The following AFDN variants were observed in gnomAD, a reference collection of about 807,000 sequenced individuals.
The protein encoded by AFDN is afadin.
AFDN carries 68 observed loss-of-function variants against 216.6 expected under a neutral mutation model. The ratio of observed to expected loss-of-function variants is 0.31; its 90% CI spans 0.26 to 0.38. The LOEUF is 0.38. Among genes scored for constraint, AFDN ranks in the 10% least tolerant of loss-of-function variants. The pLI is 1.00. For missense variants in AFDN, 2,136 were observed against 2,342.0 expected (o/e 0.91, Z 1.82); for synonymous variants, 868 against 853.7 (o/e 1.02, Z -0.29).
chr6:167,907,597 T>C (rs1025743890), intron 13 of AFDN, among the ~76,000 whole-genome samples: 1 of 152,224 alleles, frequency 6.6e-6, no homozygotes, highest in Non-Finnish European at 1.5e-5. Context: ...GATTTTAATA[T>C]TTGATGATTT....
At chr6:167,941,877 T>G (rs1311649982) in intron 23 of AFDN, among the ~76,000 whole-genome samples, 1 of 152,198 alleles carries the variant, frequency 6.6e-6, no homozygotes, top group African/African-American at 2.4e-5. Context: ...GGAGAATACT[T>G]GATTTTGCTT....
chr6:167,961,189 T>G (rs545429684), intron 30 of AFDN, among the ~76,000 whole-genome samples: 1 of 152,352 alleles, frequency 6.6e-6, no homozygotes, highest in Non-Finnish European at 1.5e-5. Context: ...GTAGGAATTT[T>G]ATGTAAGGGA....
At chr6:167,892,375 G>A (rs1228391922) in intron 8 of AFDN, among the ~76,000 whole-genome samples, 2 of 152,124 alleles carry the variant, frequency 1.3e-5, no homozygotes, top group South Asian at 4.1e-4. Context: ...GTAATGAATG[G>A]CAACTATGAA....
intron 11 of AFDN, among the ~76,000 whole-genome samples, chr6:167,900,034 A>C (rs1788748457): frequency 1.3e-5 from 2 of 152,146 alleles, no homozygotes. Flanking sequence ...TTCCTACCAT[A>C]TTTCTGGCCA....
At chr6:167,903,843 A>C (rs549291101) in intron 12 of AFDN, among the ~76,000 whole-genome samples, 1 of 152,302 alleles carries the variant, frequency 6.6e-6, no homozygotes, top group South Asian at 2.1e-4. Context: ...AGGGGGACTG[A>C]TGACCTCCCA....
chr6:167,910,626 G>T (rs576092490), intron 13 of AFDN, among the ~76,000 whole-genome samples: 19 of 152,214 alleles, frequency 1.2e-4, no homozygotes, highest in Non-Finnish European at 2.5e-4. Context: ...GAGACTTGCC[G>T]TGGTCAGCTT....
intron 23 of AFDN, among the ~76,000 whole-genome samples, chr6:167,937,059 A>C (rs954534208): frequency 1.3e-5 from 2 of 152,154 alleles, no homozygotes; most frequent in Non-Finnish European, 2.9e-5. Context: ...ACCAGAGGTG[A>C]TAGGAGGGAA....
rs1256850321 is a variant in AFDN at position 167,957,255 on chromosome 6, CTG to C, written c.4833+5074_4833+5075del. On this transcript the variant is annotated intron_variant, in intron 30 of 33. Coordinates refer to ENST00000683244, the MANE Select transcript of AFDN (RefSeq NM_001386888.1). The stretch of plus-strand genomic sequence containing the variant: ...AGGGGCCCACTGGCCTCACTGTGTC[CTG>C]TGTGTTTTTCTGTGGACATGCTATA... Among the ~76,000 whole-genome samples the C allele has an allele frequency of 3.9e-5, 6 of 152,268 alleles. No individual in the cohort carries two copies. In the East Asian group the frequency reaches 1.2e-3, roughly 30 times the overall value.
chr6:167,920,912 C>G (rs1439012059), intron 21 of AFDN, among the ~76,000 whole-genome samples: 1 of 152,110 alleles, frequency 6.6e-6, no homozygotes, highest in Non-Finnish European at 1.5e-5. Context: ...ACATGTCTTC[C>G]CCAGGAGTGA....
intron 6 of AFDN, among the ~76,000 whole-genome samples, chr6:167,887,580 C>T (rs1267284810): frequency 2.0e-5 from 3 of 151,956 alleles, no homozygotes; most frequent in African/African-American, 4.8e-5. Flanking sequence ...CTCAGCCTCC[C>T]GAATAACTGG....
chr6:167,911,311 T>C lies in AFDN; in HGVS notation c.1859T>C (p.Ile620Thr). 2 of 1,614,026 alleles carry C rather than the reference T, an allele frequency of 1.2e-6. No homozygotes were observed. The highest frequency in any genetic ancestry group is 1.7e-6 in the Non-Finnish European group (2 of 1,179,896). The stretch of plus-strand genomic sequence containing the variant: ...GAAGATTCATTTTTGTCTGCCATTA[T>C]AAATTATACTAATAGCTCTACAGTC... Reference protein sequence around the residue: ...SSEDSFLSAIINYTNSSTVHF... With the variant: ...SSEDSFLSAITNYTNSSTVHF... The change falls in exon 15 of 34, where the codon ATA becomes ACA. Residue 620 changes from isoleucine (I) to threonine (T), a missense_variant. Physicochemically the swap from Ile to Thr is moderately conservative, Grantham distance 89. Coordinates refer to ENST00000683244, the MANE Select transcript of AFDN (RefSeq NM_001386888.1).
chr6:167,852,309 C>T (rs575524465), intron 1 of AFDN, among the ~76,000 whole-genome samples: 3 of 152,242 alleles, frequency 2.0e-5, no homozygotes, highest in African/African-American at 4.8e-5. Context: ...TAATCTAGAG[C>T]GTTTATTTCA....
chr6:167,947,101 C>T lies in AFDN; in HGVS notation c.3553+200C>T, dbSNP rs577887908. The stretch of plus-strand genomic sequence containing the variant: ...GGAAAAACTTTAGATTCAGTTGATC[C>T]CATAAGCAAATACATTAATAACATC... On this transcript the variant is annotated intron_variant, in intron 27 of 33. Transcript: ENST00000683244. Among the ~76,000 whole-genome samples, 9 of 152,150 alleles carry T rather than the reference C, an allele frequency of 5.9e-5. No individual in the cohort carries two copies. In the South Asian group the frequency reaches 1.9e-3, roughly 32 times the overall value.
chr6:167,837,153 T>A (rs908017900), intron 1 of AFDN, among the ~76,000 whole-genome samples: 11 of 152,170 alleles, frequency 7.2e-5, no homozygotes, highest in Non-Finnish European at 1.0e-4. Context: ...AGGAAAAACA[T>A]TAAAAAATAT....
rs59521151 is a variant in AFDN, at chr6:167,956,114, C to CAAAAAAAA, written c.4833+3946_4833+3953dup. 7.7e-4 allele frequency among the ~76,000 whole-genome samples: 32 copies of CAAAAAAAA among 41,296 alleles called. 1 individual carries two copies. The highest frequency in any genetic ancestry group is 2.4e-3 in the African/African-American group (27 of 11,040). The allele number at this position is 41,296 out of a possible 152,430, so 27.1% of individuals were successfully genotyped here. A position where few individuals can be genotyped will look rare whatever the true frequency, so the allele number is the denominator to read the frequency against. The stretch of plus-strand genomic sequence containing the variant: ...TGGGGAACAGAGCGAGACTTTGGCT[C>CAAAAAAAA]AAAAAAAAAAAAAAAAAAAAAAAAA... On this transcript the variant is annotated intron_variant, in intron 30 of 33. Coordinates refer to ENST00000683244, the MANE Select transcript of AFDN (RefSeq NM_001386888.1).
chr6:167,945,787 A>G (rs1795190898), intron 26 of AFDN, among the ~76,000 whole-genome samples: 1 of 152,238 alleles, frequency 6.6e-6, no homozygotes, highest in African/African-American at 2.4e-5. Flanking sequence ...TTTTACAGCT[A>G]CATCAAAAAG....
chr6:167,966,993 A>G (rs530007528), intron 32 of AFDN, among the ~76,000 whole-genome samples: 1 of 152,332 alleles, frequency 6.6e-6, no homozygotes, highest in East Asian at 1.9e-4. Context: ...GGAAACCCCT[A>G]TGCTGACTGT....
chr6:167,863,426 G>A (rs1194605759), intron 1 of AFDN, among the ~76,000 whole-genome samples: 4 of 152,194 alleles, frequency 2.6e-5, no homozygotes, highest in Non-Finnish European at 5.9e-5. Flanking sequence ...CAGTGTGATG[G>A]GCTTTGAGGA....
At chr6:167,834,456 G>GTT (rs1562522942) in intron 1 of AFDN, among the ~76,000 whole-genome samples, 3 of 64,182 alleles carry the variant, frequency 4.7e-5, no homozygotes, top group South Asian at 6.9e-4. Flanking sequence ...TTGTTGTTTC[G>GTT]GTTTTTTTTT....
Sources: allele counts gnomAD v4.1 joint callset (sites outside exome capture counted in the v4.1 genomes callset), GRCh38; gene constraint gnomAD v4.1.1; transcripts MANE v1.5; gene names NCBI Gene and HGNC (gene_info 2026-07-23, HGNC 2026-07-21).